The following PCDHA3 variants were observed in gnomAD, a reference collection of about 807,000 sequenced individuals.
The protein encoded by PCDHA3 is protocadherin alpha-3.
A neutral mutation model predicts 62.2 loss-of-function variants in PCDHA3; 41 were observed. The ratio of observed to expected loss-of-function variants is 0.66; its 90% CI spans 0.51 to 0.86. The LOEUF (loss-of-function observed/expected upper bound fraction) is 0.86, where lower values mean the gene tolerates loss of function less well. Among genes scored for constraint, PCDHA3 ranks in the 40% least tolerant of loss-of-function variants. The pLI is 0.00. For missense variants in PCDHA3, 1,304 were observed against 1,241.2 expected, an observed-to-expected ratio of 1.05 and a Z score of -0.76; for synonymous variants, 640 against 555.4, an observed-to-expected ratio of 1.15 and a Z score of -2.14.
At chr5:140,960,923 G>A (rs1478943565) in intron 1 of PCDHA3, among the ~76,000 whole-genome samples, 1 of 152,168 alleles carries the variant, frequency 6.6e-6, no homozygotes, top group African/African-American at 2.4e-5. Context: ...TAGAAAATTG[G>A]TACTAAGTTT....
intron 1 of PCDHA3, among the ~76,000 whole-genome samples, chr5:140,977,021 A>G (rs1249097233): frequency 1.3e-5 from 2 of 152,190 alleles, no homozygotes; most frequent in East Asian, 3.8e-4. Context: ...ATTCTGTCAA[A>G]TGAATCTAAG....
At chr5:140,842,469 G>A in intron 1 of PCDHA3, 3 of 1,613,864 alleles carry the variant, frequency 1.9e-6, no homozygotes, top group Non-Finnish European at 2.5e-6. Context: ...GGTGCCAACG[G>A]GCAGGTGACC....
chr5:140,845,803 T>C (rs1319133517), intron 1 of PCDHA3, among the ~76,000 whole-genome samples: 3 of 149,694 alleles, frequency 2.0e-5, no homozygotes, highest in Non-Finnish European at 4.5e-5. Flanking sequence ...TGGCAAGTGA[T>C]AGGTACATAA....
chr5:140,821,537 A>G (rs1240082650), intron 1 of PCDHA3: 6 of 468,714 alleles, frequency 1.3e-5, no homozygotes, highest in African/African-American at 1.2e-4. Context: ...TAAAACACTT[A>G]CCCTTTCATC....
At chr5:140,950,517 A>G (rs1210598995) in intron 1 of PCDHA3, among the ~76,000 whole-genome samples, 1 of 152,012 alleles carries the variant, frequency 6.6e-6, no homozygotes, top group African/African-American at 2.4e-5. Flanking sequence ...CCTGTGTGCG[A>G]TATGATTGTT....
At chr5:140,906,124 G>A (rs1399975318) in intron 1 of PCDHA3, among the ~76,000 whole-genome samples, 2 of 151,992 alleles carry the variant, frequency 1.3e-5, no homozygotes, top group Non-Finnish European at 2.9e-5. Flanking sequence ...TGACACAAAT[G>A]TTAGTCTCCT....
chr5:141,005,936 G>A (rs1233031842), intron 3 of PCDHA3, among the ~76,000 whole-genome samples: 1 of 151,890 alleles, frequency 6.6e-6, no homozygotes, highest in African/African-American at 2.4e-5. Context: ...GACAGAGTGA[G>A]AACCTATCTC....
chr5:140,893,817 C>T (rs951661016), intron 1 of PCDHA3, among the ~76,000 whole-genome samples: 73 of 152,098 alleles, frequency 4.8e-4, no homozygotes, highest in African/African-American at 1.7e-3. Context: ...AGTCTGGTAC[C>T]GTAGACTACT....
At chr5:140,929,663 G>A (rs1284467278) in intron 1 of PCDHA3, 1 of 336,002 alleles carries the variant, frequency 3.0e-6, no homozygotes, top group African/African-American at 2.1e-5. Context: ...TATTTAAAGT[G>A]AAGAATGAAA....
intron 1 of PCDHA3, among the ~76,000 whole-genome samples, chr5:140,972,133 C>T (rs532498360): frequency 2.0e-5 from 3 of 152,072 alleles, no homozygotes; most frequent in East Asian, 3.9e-4. Flanking sequence ...CAGTGAGTTA[C>T]TACTATTTTT....
intron 3 of PCDHA3, chr5:140,988,920 AACAAC>A (rs1245893791): frequency 6.6e-6 from 1 of 152,174 alleles, no homozygotes; most frequent in Non-Finnish European, 1.5e-5. Context: ...AGGAGAATAG[AACAAC>A]ACTGTTCTCT....
At chr5:140,869,630 A>G in intron 1 of PCDHA3, 2 of 1,613,720 alleles carry the variant, frequency 1.2e-6, no homozygotes, top group Non-Finnish European at 8.5e-7. Context: ...AGTAAAAATG[A>G]GTATTTTTCT....
chr5:140,878,790 CTT>C (rs2057728380), intron 1 of PCDHA3, among the ~76,000 whole-genome samples: 1 of 152,154 alleles, frequency 6.6e-6, no homozygotes. Context: ...TGTTCAATCA[CTT>C]TTTAAAAACA....
intron 1 of PCDHA3, among the ~76,000 whole-genome samples, chr5:140,916,967 G>A (rs1215722713): frequency 2.6e-5 from 4 of 152,194 alleles, no homozygotes; most frequent in African/African-American, 9.7e-5. Context: ...TGACTGCTGG[G>A]ATGAGTGATT....
chr5:140,829,714 C>A (rs1316878813), intron 1 of PCDHA3: 14 of 1,613,308 alleles, frequency 8.7e-6, no homozygotes, highest in Admixed American at 1.7e-5. Flanking sequence ...GCGACGCGGG[C>A]GTGCCGCCTC....
At chr5:141,000,558 G>A (rs1462892656) in intron 3 of PCDHA3, among the ~76,000 whole-genome samples, 1 of 149,136 alleles carries the variant, frequency 6.7e-6, no homozygotes, top group Admixed American at 6.8e-5. Flanking sequence ...CTCCCGAGTA[G>A]CTGGGATTAC....
chr5:140,858,149 G>T, intron 1 of PCDHA3: 1 of 1,597,572 alleles, frequency 6.3e-7, no homozygotes, highest in Non-Finnish European at 8.6e-7. Flanking sequence ...CCTGATCATC[G>T]CCATCTGCGC....
chr5:140,823,298 C>T (rs2150124408), intron 1 of PCDHA3: 1 of 1,612,332 alleles, frequency 6.2e-7, no homozygotes, highest in Non-Finnish European at 8.5e-7. Flanking sequence ...AGTTACGTTT[C>T]GGTGCACGCG....
chr5:140,969,314 G>A (rs200006206), intron 1 of PCDHA3: 2 of 1,614,032 alleles, frequency 1.2e-6, no homozygotes, highest in Non-Finnish European at 1.7e-6. Context: ...CAAAAATGAG[G>A]CTGTTTCTCA....
Sources: allele counts gnomAD v4.1 joint callset (sites outside exome capture counted in the v4.1 genomes callset), GRCh38; gene constraint gnomAD v4.1.1; transcripts MANE v1.5; gene names NCBI Gene and HGNC (gene_info 2026-07-23, HGNC 2026-07-21).